The following TAFA2 variants were observed in gnomAD, a reference collection of about 807,000 sequenced individuals.
TAFA2 encodes TAFA chemokine like family member 2.
In TAFA2, 7 loss-of-function variants were observed where a neutral mutation model predicts 18.8. The ratio of observed to expected loss-of-function variants is 0.37; its 90% CI spans 0.21 to 0.70. The LOEUF is 0.70. Among genes scored for constraint, TAFA2 ranks in the 30% least tolerant of loss-of-function variants. The pLI is 0.53. For missense variants in TAFA2, 122 were observed against 158.1 expected (o/e 0.77, Z 1.23); for synonymous variants, 60 against 54.2 (o/e 1.11, Z -0.47).
In TAFA2 at chr12:61,957,863, G is replaced by A. The variant is rs548711788; in HGVS notation, c.-1-90437C>T. 2.0e-5 allele frequency among the ~76,000 whole-genome samples: 3 copies of A among 152,118 alleles called. No individual in the cohort carries two copies. In the East Asian group the frequency reaches 5.8e-4, roughly 30 times the overall value. ...CCCTTATTTCTTTCCTGGACACAATGCATCCCTATAGTGATCATTGGGACT... is the reference window on the plus strand; with the variant it reads ...CCCTTATTTCTTTCCTGGACACAATACATCCCTATAGTGATCATTGGGACT... On this transcript the variant is annotated intron_variant, in intron 1 of 4. Coordinates refer to ENST00000416284, the MANE Select transcript of TAFA2 (RefSeq NM_178539.5).
intron 1 of TAFA2, among the ~76,000 whole-genome samples, chr12:61,988,583 A>G (rs1427215097): frequency 6.6e-6 from 1 of 152,186 alleles, no homozygotes; most frequent in African/African-American, 2.4e-5. Flanking sequence ...GAAAGCACCT[A>G]CTATGTGCAC....
chr12:61,841,432 C>T (rs1003296186), intron 2 of TAFA2, among the ~76,000 whole-genome samples: 2 of 152,058 alleles, frequency 1.3e-5, no homozygotes, highest in African/African-American at 4.8e-5. Context: ...GTGTTCTTGA[C>T]ACCTCTGTTA....
intron 1 of TAFA2, among the ~76,000 whole-genome samples, chr12:62,001,711 G>T (rs1368543532): frequency 6.6e-6 from 1 of 152,120 alleles, no homozygotes; most frequent in East Asian, 1.9e-4. Context: ...GTGTCGCCCA[G>T]TTCCTAACAG....
chr12:62,173,930 A>T (rs1227087845), intron 1 of TAFA2, among the ~76,000 whole-genome samples: 1 of 152,240 alleles, frequency 6.6e-6, no homozygotes, highest in African/African-American at 2.4e-5. Context: ...AGGTCTTACC[A>T]GGAACCTTAG....
chr12:61,956,165 C>T (rs1390805009), intron 1 of TAFA2, among the ~76,000 whole-genome samples: 1 of 152,030 alleles, frequency 6.6e-6, no homozygotes, highest in Non-Finnish European at 1.5e-5. Flanking sequence ...CAAAAAACTC[C>T]ATTTTATTGC....
intron 1 of TAFA2, among the ~76,000 whole-genome samples, chr12:62,203,331 G>A (rs545870988): frequency 6.6e-6 from 1 of 152,354 alleles, no homozygotes; most frequent in East Asian, 1.9e-4. Flanking sequence ...TGGGTGGAGA[G>A]TTCTGTAGAT....
intron 1 of TAFA2, among the ~76,000 whole-genome samples, chr12:62,163,998 T>C (rs1022451985): frequency 6.6e-6 from 1 of 152,144 alleles, no homozygotes; most frequent in African/African-American, 2.4e-5. Context: ...TCTATAATCA[T>C]AGCTGAGATA....
chr12:61,940,878 G>T (rs1348423344), intron 1 of TAFA2, among the ~76,000 whole-genome samples: 1 of 151,876 alleles, frequency 6.6e-6, no homozygotes, highest in African/African-American at 2.4e-5. Flanking sequence ...TGAGGGAAAC[G>T]GTAGTAATTT....
chr12:61,882,575 T>G (rs1395110084), intron 1 of TAFA2, among the ~76,000 whole-genome samples: 1 of 152,172 alleles, frequency 6.6e-6, no homozygotes, highest in Non-Finnish European at 1.5e-5. Flanking sequence ...AATTCAGAAC[T>G]GGCTCAAATT....
intron 4 of TAFA2, among the ~76,000 whole-genome samples, chr12:61,741,637 T>G (rs1868455999): frequency 6.6e-6 from 1 of 152,124 alleles, no homozygotes; most frequent in African/African-American, 2.4e-5. Flanking sequence ...GCCAATGTGC[T>G]TTCGTGGCAC....
intron 1 of TAFA2, among the ~76,000 whole-genome samples, chr12:62,052,238 G>A (rs939733920): frequency 1.3e-5 from 2 of 152,074 alleles, no homozygotes; most frequent in Non-Finnish European, 2.9e-5. Context: ...CTGTTTCCCA[G>A]GGACTGGAAG....
intron 2 of TAFA2, among the ~76,000 whole-genome samples, chr12:61,843,825 G>T (rs1285422900): frequency 6.6e-6 from 1 of 152,150 alleles, no homozygotes; most frequent in Non-Finnish European, 1.5e-5. Context: ...AACTTGTGAA[G>T]TAGCAAGCTG....
chr12:61,836,756 T>TATATATATATAC lies in TAFA2; in HGVS notation c.106+30563_106+30564insGTATATATATAT, dbSNP rs68158949. Reference sequence around the variant, plus strand: ...TGATATATATATATATATATATATATACACACACACACACAAATACATATA... The same window carrying TATATATATATAC: ...TGATATATATATATATATATATATATATATATATATACACACACACACACACAAATACATATA... On this transcript the variant is annotated intron_variant, in intron 2 of 4. Transcript: ENST00000416284. Among the ~76,000 whole-genome samples the TATATATATATAC allele has an allele frequency of 1.5e-3, 177 of 119,814 alleles. 1 individual carries two copies. The highest frequency in any genetic ancestry group is 4.4e-3 in the African/African-American group (158 of 36,042). The allele number at this position is 119,814 out of a possible 152,430, so 78.6% of individuals were successfully genotyped here. A position where few individuals can be genotyped will look rare whatever the true frequency, so the allele number is the denominator to read the frequency against.
intron 1 of TAFA2, among the ~76,000 whole-genome samples, chr12:62,164,330 A>G (rs2062425406): frequency 6.6e-6 from 1 of 152,064 alleles, no homozygotes; most frequent in Non-Finnish European, 1.5e-5. Context: ...CCATTTTTAT[A>G]CTCTGGACAT....
chr12:61,834,910 T>A (rs555063723), intron 2 of TAFA2, among the ~76,000 whole-genome samples: 14 of 152,064 alleles, frequency 9.2e-5, no homozygotes, highest in Non-Finnish European at 1.9e-4. Flanking sequence ...TTTATATCTT[T>A]CATGGTTTTT....
intron 4 of TAFA2, among the ~76,000 whole-genome samples, chr12:61,746,148 G>T (rs1868696543): frequency 6.6e-6 from 1 of 152,032 alleles, no homozygotes; most frequent in African/African-American, 2.4e-5. Context: ...GGATCATGAG[G>T]CTAGTTTCCC....
intron 4 of TAFA2, among the ~76,000 whole-genome samples, chr12:61,740,358 A>G (rs1868389729): frequency 6.6e-6 from 1 of 151,988 alleles, no homozygotes; most frequent in African/African-American, 2.4e-5. Context: ...GGGGTGGGAG[A>G]GCATTAGGAG....
At chr12:62,221,242 G>A (rs1311070437) in intron 1 of TAFA2, among the ~76,000 whole-genome samples, 1 of 149,642 alleles carries the variant, frequency 6.7e-6, no homozygotes, top group Non-Finnish European at 1.5e-5. Context: ...AGGAAGGAAG[G>A]AAGGAAGGAA....
In TAFA2 at chr12:61,895,400, C is replaced by T. The variant is rs187766834; in HGVS notation, c.-1-27974G>A. On this transcript the variant is annotated intron_variant, in intron 1 of 4. Coordinates refer to ENST00000416284, the MANE Select transcript of TAFA2 (RefSeq NM_178539.5). ...TTCACCACCCATAAAGCATACACTA[C>T]CCCTCCCCTAATCTACCGACTCACA... 1.3e-4 allele frequency among the ~76,000 whole-genome samples: 20 copies of T among 152,198 alleles called. No individual in the cohort carries two copies. In the East Asian group the frequency reaches 2.7e-3, roughly 21 times the overall value.
Sources: gnomAD v4.1 joint callset for allele counts (sites outside exome capture counted in the v4.1 genomes callset) on GRCh38, gnomAD v4.1.1 for gene constraint, MANE v1.5 for transcripts, NCBI Gene and HGNC (gene_info 2026-07-23, HGNC 2026-07-21) for gene names.